The following DBN1 variants were observed in gnomAD, a reference collection of about 807,000 sequenced individuals.
The protein encoded by DBN1 is drebrin.
Under a neutral mutation model 83.5 loss-of-function variants are expected in DBN1, and 21 were observed. The ratio of observed to expected loss-of-function variants is 0.25; its 90% confidence interval spans 0.18 to 0.36. DBN1 has a LOEUF of 0.36. Ranked by LOEUF, DBN1 falls within the 10% of genes least tolerant of loss-of-function variation. The pLI is 1.00. For missense variants in DBN1, 874 were observed against 935.7 expected, an observed-to-expected ratio of 0.93 and a Z score of 0.86; for synonymous variants, 381 against 384.9, an observed-to-expected ratio of 0.99 and a Z score of 0.12.
At chr5:177,465,593 C>T (rs551721722) in intron 8 of DBN1, among the ~76,000 whole-genome samples, 34 of 152,214 alleles carry the variant, frequency 2.2e-4, no homozygotes, top group African/African-American at 7.0e-4. Context: ...CGGTGGCTCA[C>T]GTCTATAATC....
chr5:177,465,181 A>T (rs557874775), intron 8 of DBN1, among the ~76,000 whole-genome samples: 5 of 152,328 alleles, frequency 3.3e-5, no homozygotes, highest in Non-Finnish European at 7.4e-5. Flanking sequence ...AAAAAATTTT[A>T]AAAAACCTCA....
chr5:177,465,333 G>A (rs772262306), intron 8 of DBN1, among the ~76,000 whole-genome samples: 1 of 152,156 alleles, frequency 6.6e-6, no homozygotes, highest in Non-Finnish European at 1.5e-5. Flanking sequence ...ACACGCAAAA[G>A]GACAAACACC....
At chr5:177,462,479 C>T (rs1344827648) in intron 8 of DBN1, 3 of 863,778 alleles carry the variant, frequency 3.5e-6, no homozygotes, top group Non-Finnish European at 4.2e-6. Flanking sequence ...TCCTGGCTTC[C>T]ACCACGATGA....
At chr5:177,458,852 A>T in intron 12 of DBN1, 145 bp from the exon 13 acceptor site, 1 of 1,115,978 alleles carries the variant, frequency 9.0e-7, no homozygotes, top group Non-Finnish European at 1.2e-6. Flanking sequence ...CAGTGACTTT[A>T]AGCCCCTTGG....
chr5:177,458,789 G>C (rs760887286), intron 12 of DBN1, 82 bp from the exon 13 acceptor site: 11 of 1,313,468 alleles, frequency 8.4e-6, no homozygotes, highest in Non-Finnish European at 1.1e-5. Flanking sequence ...TAAGGAGTGA[G>C]GGAGCCAGGG....
rs1756758996 is a variant in DBN1 at position 177,458,661 on chromosome 5, T to C, written c.1311A>G (p.Ala437=). ...SPILDSEETR[A]AAPQAWAGPM... ...GGCCGGCCCAGGCCTGAGGGGCTGC[T>C]GCTCTGGTCTCCTCACTGTCTAGGA... Residue 437 remains alanine (A), a synonymous_variant, in exon 13 of 15, where the codon GCA becomes GCG. Coordinates refer to ENST00000393565, the MANE Select transcript of DBN1 (RefSeq NM_001363541.2). 1 of 1,575,314 alleles carries C rather than the reference T, an allele frequency of 6.3e-7. No individual in the cohort carries two copies. Among genetic ancestry groups the C allele is most frequent in the African/African-American group, 1.4e-5 (1 of 73,688 alleles).
At chr5:177,468,264 C>G in intron 2 of DBN1, 44 bp from the exon 3 acceptor site, 1 of 1,560,292 alleles carries the variant, frequency 6.4e-7, no homozygotes, top group South Asian at 1.1e-5. Flanking sequence ...CCTCCTAAAC[C>G]CTTCCCAAAA....
At chr5:177,472,938 C>T in intron 1 of DBN1, 15 of 639,460 alleles carry the variant, frequency 2.3e-5, no homozygotes, top group Non-Finnish European at 2.9e-5. Context: ...GCCCGCTCCG[C>T]TCCTCCCCCG....
chr5:177,463,806 G>A (rs1276057386), intron 8 of DBN1, among the ~76,000 whole-genome samples: 2 of 152,216 alleles, frequency 1.3e-5, no homozygotes, highest in Non-Finnish European at 2.9e-5. Flanking sequence ...CTGTCTACCT[G>A]CATGTGTGTA....
Position 177,459,720 on chromosome 5 carries a change from T to C in DBN1, c.976A>G (p.Ile326Val), listed in dbSNP as rs1249439172. 1 of 1,566,744 alleles carries C rather than the reference T, an allele frequency of 6.4e-7. No individual in the cohort carries two copies. Among genetic ancestry groups the C allele is most frequent in the African/African-American group, 1.4e-5 (1 of 73,370 alleles). Residue 326 changes from isoleucine to valine, a missense_variant, in exon 11 of 15, where the codon ATA becomes GTA. Physicochemically the swap from Ile to Val is conservative, Grantham distance 29. Around this residue, in one of 4 missense-constraint regions of DBN1, gnomAD observed 725 missense variants for 719.7 expected, o/e 1.01. Coordinates refer to ENST00000393565, the MANE Select transcript of DBN1 (RefSeq NM_001363541.2). The stretch of plus-strand genomic sequence containing the variant: ...GAAGGCCCACTGTCCGATGCCTTTA[T>C]GAAAGGGCAGTACGGACGACCTGCC... ...HRPGRPYCPF[I>V]KASDSGPSSS... is the part of the protein sequence containing the mutation.
chr5:177,463,145 T>C (rs1581724034), intron 8 of DBN1, among the ~76,000 whole-genome samples: 1 of 152,040 alleles, frequency 6.6e-6, no homozygotes, highest in Non-Finnish European at 1.5e-5. Flanking sequence ...CACGCCATTC[T>C]CCTGCCTCAG....
At chr5:177,464,090 G>A (rs931730656) in intron 8 of DBN1, among the ~76,000 whole-genome samples, 3 of 151,666 alleles carry the variant, frequency 2.0e-5, no homozygotes, top group Non-Finnish European at 4.4e-5. Context: ...ACTCTAGCCT[G>A]GGGGACAAGA....
chr5:177,467,619 G>T lies in DBN1; in HGVS notation c.339C>A (p.Asp113Glu). 1.3e-6 allele frequency: 2 copies of T among 1,573,056 alleles called. No individual in the cohort carries two copies. Among genetic ancestry groups the T allele is most frequent in the Non-Finnish European group, 1.7e-6 (2 of 1,159,088 alleles). ...AKVAEFFQGV[D>E]VIVNASSVED... ...CCACGCTGCTGGCGTTCACGATCAC[G>T]TCGACACCCTTCCGCAAGAAGACGG... The change falls in exon 5 of 15, where the codon GAC becomes GAA. Residue 113 changes from aspartate to glutamate, a missense_variant. By Grantham distance (45) the Asp-to-Glu change is conservative. Coordinates refer to ENST00000393565, the MANE Select transcript of DBN1 (RefSeq NM_001363541.2). This position sits in a 1 kb window ranked among gnomAD's most constrained non-coding sequence, Gnocchi z 9.1.
intron 8 of DBN1, among the ~76,000 whole-genome samples, chr5:177,461,838 C>T (rs1050290647): frequency 2.0e-5 from 3 of 152,188 alleles, no homozygotes; most frequent in Non-Finnish European, 4.4e-5. Context: ...TGAGCCACAG[C>T]AAGCACTGGC....
chr5:177,456,701 A>C lies in DBN1; in HGVS notation c.*732T>G, dbSNP rs1172323301. Reference sequence around the variant, plus strand: ...AAAAAAAAAAAAAAAAAAAAAAAAAACAGTTACTAAACGTGAAAAAGGAAC... The same window carrying C: ...AAAAAAAAAAAAAAAAAAAAAAAAACCAGTTACTAAACGTGAAAAAGGAAC... On this transcript the variant is annotated 3_prime_UTR_variant, in exon 15 of 15. Coordinates refer to ENST00000393565, the MANE Select transcript of DBN1 (RefSeq NM_001363541.2). 2.9e-5 allele frequency: 4 copies of C among 136,756 alleles called. No individual in the cohort carries two copies. The East Asian group carries it at 6.3e-4, about 22-fold the overall frequency. 8.5% of individuals were successfully genotyped at this position (136,756 alleles called of 1,614,324 possible).
Position 177,458,456 on chromosome 5 carries a change from C to T in DBN1, c.1516G>A (p.Ala506Thr). ...ADTIETDTATADTTVANNVPP... is the reference protein window; with the variant it reads ...ADTIETDTATTDTTVANNVPP... ...ACGTTGTTGGCAACAGTGGTGTCAGCAGTGGCAGTGTCAGTTTCAATGGTG... is the reference window on the plus strand; with the variant it reads ...ACGTTGTTGGCAACAGTGGTGTCAGTAGTGGCAGTGTCAGTTTCAATGGTG... The change falls in exon 13 of 15, where the codon GCT (alanine) becomes ACT (threonine). Residue 506 changes from alanine (A) to threonine (T), a missense_variant. Physicochemically the swap from Ala to Thr is moderately conservative, Grantham distance 58. This residue lies in a region of DBN1 where 725 missense variants were observed against 719.7 expected (regional missense o/e 1.01). Transcript: ENST00000393565. 6.2e-7 allele frequency: 1 copy of T among 1,614,204 alleles called. No individual in the cohort carries two copies. Among genetic ancestry groups the T allele is most frequent in the Admixed American group, 1.7e-5 (1 of 60,034 alleles).
intron 2 of DBN1, 25 bp from the exon 3 acceptor site, chr5:177,468,245 GTCTC>G (rs1757608731): frequency 1.9e-6 from 3 of 1,595,580 alleles, no homozygotes; most frequent in Middle Eastern, 1.7e-4. Context: ...AGAGTGTCAG[GTCTC>G]TCTGCCTCCT....
chr5:177,460,842 C>T, intron 8 of DBN1, 139 bp from the exon 9 acceptor site: 2 of 818,298 alleles, frequency 2.4e-6, no homozygotes, highest in East Asian at 5.4e-5. Flanking sequence ...AGCAGTGGTA[C>T]AATCACGGCT....
chr5:177,460,239 G>A lies in DBN1; in HGVS notation c.955+193C>T, dbSNP rs549584096. ...CACTCCCCACTGTTCAGCCACAAGCGACTTCACCACCATCCCTGGCCCTTC... is the reference window on the plus strand; with the variant it reads ...CACTCCCCACTGTTCAGCCACAAGCAACTTCACCACCATCCCTGGCCCTTC... On this transcript the variant is annotated intron_variant, in intron 10 of 14. Transcript: ENST00000393565. Among the ~76,000 whole-genome samples, 5 of 152,316 alleles carry A rather than the reference G, an allele frequency of 3.3e-5. No homozygotes were observed. The East Asian group carries it at 7.7e-4, about 24-fold the overall frequency.
Sources: allele counts gnomAD v4.1 joint callset (sites outside exome capture counted in the v4.1 genomes callset), GRCh38; gene constraint gnomAD v4.1.1; regional missense constraint gnomAD v4.1.1; non-coding constraint Gnocchi (gnomAD v3.1); transcripts MANE v1.5; gene names NCBI Gene and HGNC (gene_info 2026-07-23, HGNC 2026-07-21).